MYO1D: variants seen among roughly 807,000 people sequenced by gnomAD.
MYO1D encodes the protein unconventional myosin-Id.
A neutral mutation model predicts 122.0 loss-of-function variants in MYO1D; 83 were observed. The ratio of observed to expected loss-of-function variants is 0.68; its 90% CI spans 0.57 to 0.82. The LOEUF (loss-of-function observed/expected upper bound fraction) is 0.82, where lower values mean the gene tolerates loss of function less well. Among genes scored for constraint, MYO1D ranks in the 40% least tolerant of loss-of-function variants. MYO1D has a pLI of 0.00. For missense variants in MYO1D, 1,157 were observed against 1,269.5 expected (o/e 0.91, Z 1.35); for synonymous variants, 464 against 446.9 (o/e 1.04, Z -0.48).
At chr17:32,542,613 TAA>T (rs67238143) in intron 21 of MYO1D, among the ~76,000 whole-genome samples, 53 of 124,778 alleles carry the variant, frequency 4.2e-4, no homozygotes, top group East Asian at 5.3e-4. Context: ...GAGGTAACGC[TAA>T]AAAAAAAAAA....
intron 21 of MYO1D, among the ~76,000 whole-genome samples, chr17:32,528,244 G>A (rs996235853): frequency 1.3e-5 from 2 of 152,218 alleles, no homozygotes; most frequent in African/African-American, 4.8e-5. Flanking sequence ...AAGGTATCCA[G>A]TACCTTGATC....
chr17:32,573,979 C>T (rs962005575), intron 21 of MYO1D, among the ~76,000 whole-genome samples: 2 of 152,066 alleles, frequency 1.3e-5, no homozygotes, highest in Non-Finnish European at 2.9e-5. Context: ...CAGCCTCCTG[C>T]GTAGCTGGGA....
At chr17:32,525,192 T>TCAGTTG (rs1252755860) in intron 21 of MYO1D, among the ~76,000 whole-genome samples, 1 of 152,246 alleles carries the variant, frequency 6.6e-6, no homozygotes, top group Non-Finnish European at 1.5e-5. Flanking sequence ...TATTTGGCTG[T>TCAGTTG]CAGTTGATAG....
chr17:32,871,270 A>G (rs1422971381), intron 1 of MYO1D, among the ~76,000 whole-genome samples: 3 of 152,224 alleles, frequency 2.0e-5, no homozygotes, highest in Non-Finnish European at 4.4e-5. Flanking sequence ...TAAATGAAAG[A>G]GGAGTGGAGT....
intron 21 of MYO1D, among the ~76,000 whole-genome samples, chr17:32,548,382 C>T (rs1343467217): frequency 4.7e-5 from 7 of 149,256 alleles, no homozygotes; most frequent in Admixed American, 4.0e-4. Flanking sequence ...GAGCCAAGAT[C>T]GCGCCACTGC....
At chr17:32,744,620 G>C (rs893598000) in intron 13 of MYO1D, among the ~76,000 whole-genome samples, 4 of 152,184 alleles carry the variant, frequency 2.6e-5, no homozygotes, top group Non-Finnish European at 5.9e-5. Context: ...TTAACCCATA[G>C]AAAGATGACC....
intron 21 of MYO1D, among the ~76,000 whole-genome samples, chr17:32,602,090 T>C (rs889394187): frequency 3.9e-5 from 6 of 152,220 alleles, no homozygotes; most frequent in African/African-American, 1.4e-4. Flanking sequence ...TTTTAAATCA[T>C]GGAATATCTC....
At chr17:32,633,523 G>T (rs1212704478) in intron 20 of MYO1D, among the ~76,000 whole-genome samples, 1 of 151,730 alleles carries the variant, frequency 6.6e-6, no homozygotes. Context: ...TTCATAGATA[G>T]CTTGCTTTCT....
intron 16 of MYO1D, among the ~76,000 whole-genome samples, chr17:32,675,187 A>G (rs2088789672): frequency 1.3e-5 from 2 of 152,246 alleles, no homozygotes; most frequent in Admixed American, 6.5e-5. Context: ...TTATCATAAC[A>G]GTGGGTATCA....
intron 21 of MYO1D, among the ~76,000 whole-genome samples, chr17:32,535,928 G>A (rs1294109390): frequency 6.6e-6 from 1 of 152,246 alleles, no homozygotes; most frequent in Non-Finnish European, 1.5e-5. Context: ...TTCCTGCAGA[G>A]AGTGTTTGTA....
chr17:32,737,543 TAG>T (rs1421899725), intron 14 of MYO1D, among the ~76,000 whole-genome samples: 1 of 151,922 alleles, frequency 6.6e-6, no homozygotes, highest in Non-Finnish European at 1.5e-5. Context: ...TAACTTTTTG[TAG>T]AGGAGGTCTT....
intron 16 of MYO1D, among the ~76,000 whole-genome samples, chr17:32,692,978 C>G (rs167675): frequency 0.66 from 100,272 of 152,116 alleles, 33,203 homozygotes; most frequent in Middle Eastern, 0.77. Context: ...CAGTAATTCA[C>G]TGGGATTTTA....
intron 20 of MYO1D, among the ~76,000 whole-genome samples, chr17:32,625,469 T>C (rs753707284): frequency 2.0e-5 from 3 of 152,178 alleles, no homozygotes; most frequent in Non-Finnish European, 4.4e-5. Context: ...GTGATTGAGA[T>C]ATAGTCTGGT....
At chr17:32,519,626 G>A (rs929241260) in intron 21 of MYO1D, among the ~76,000 whole-genome samples, 1 of 151,734 alleles carries the variant, frequency 6.6e-6, no homozygotes, top group Non-Finnish European at 1.5e-5. Context: ...CCGGCCGGCC[G>A]CGCTTCTCCG....
chr17:32,724,702 G>A (rs1374777739), intron 14 of MYO1D, among the ~76,000 whole-genome samples: 1 of 152,170 alleles, frequency 6.6e-6, no homozygotes, highest in Non-Finnish European at 1.5e-5. Flanking sequence ...CTCTCACTTT[G>A]GGTTAGGATC....
intron 20 of MYO1D, among the ~76,000 whole-genome samples, chr17:32,634,018 T>C (rs1377176353): frequency 1.3e-5 from 2 of 152,248 alleles, no homozygotes; most frequent in African/African-American, 4.8e-5. Context: ...TTTGCCTGTT[T>C]TGACACCTCT....
intron 21 of MYO1D, among the ~76,000 whole-genome samples, chr17:32,576,906 C>A (rs564622853): frequency 2.0e-5 from 3 of 152,272 alleles, no homozygotes; most frequent in African/African-American, 7.2e-5. Context: ...TCTTGAACTT[C>A]TGGGCTCAAA....
intron 21 of MYO1D, among the ~76,000 whole-genome samples, chr17:32,586,105 A>G (rs115689454): frequency 0.011 from 1,692 of 152,308 alleles, 31 homozygotes; most frequent in African/African-American, 0.036. Context: ...TGAACAGAGA[A>G]GTCTGGGATT....
intron 11 of MYO1D, among the ~76,000 whole-genome samples, chr17:32,749,835 G>A (rs907157568): frequency 2.0e-5 from 3 of 152,150 alleles, no homozygotes; most frequent in Admixed American, 6.5e-5. Context: ...TACTGAAGGA[G>A]GACTTAAGGA....
Sources: allele counts gnomAD v4.1 joint callset (sites outside exome capture counted in the v4.1 genomes callset), GRCh38; gene constraint gnomAD v4.1.1; transcripts MANE v1.5; gene names NCBI Gene and HGNC (gene_info 2026-07-23, HGNC 2026-07-21).